Variants in PTPRN2 observed in about 807,000 individuals in gnomAD.
PTPRN2 encodes the protein protein tyrosine phosphatase receptor type N2.
A neutral mutation model predicts 118.8 loss-of-function variants in PTPRN2; 74 were observed. The observed-to-expected ratio is 0.62, with a 90% confidence interval of 0.52 to 0.76. The LOEUF (loss-of-function observed/expected upper bound fraction) is 0.76. Ranked by LOEUF, PTPRN2 falls within the 30% of genes least tolerant of loss-of-function variation. The probability of loss-of-function intolerance (pLI) is 0.00; values close to 1 mark genes in which losing one functional copy is unlikely to be tolerated. For synonymous variants in PTPRN2, 641 were observed against 608.0 expected (o/e 1.05, Z -0.80); for missense variants, 1,481 against 1,394.4 (o/e 1.06, Z -0.99).
intron 3 of PTPRN2, among the ~76,000 whole-genome samples, chr7:158,265,723 G>C (rs1380589202): frequency 6.6e-6 from 1 of 152,220 alleles, no homozygotes; most frequent in African/African-American, 2.4e-5. Flanking sequence ...GGCATTTGAT[G>C]AGTACAGCTG....
intron 22 of PTPRN2, among the ~76,000 whole-genome samples, chr7:157,542,835 C>T (rs1798078244): frequency 2.0e-5 from 3 of 152,226 alleles, no homozygotes; most frequent in Admixed American, 2.0e-4. Context: ...CTGTGGGCGT[C>T]GGCTGGCAGG....
At chr7:158,080,365 A>G (rs1458530269) in intron 11 of PTPRN2, among the ~76,000 whole-genome samples, 1 of 150,172 alleles carries the variant, frequency 6.7e-6, no homozygotes, top group Non-Finnish European at 1.5e-5. Context: ...TTAGCAATAT[A>G]AAGGACTGGC....
intron 2 of PTPRN2, among the ~76,000 whole-genome samples, chr7:158,427,110 C>CG (rs201170285): frequency 1 from 2 of 2 alleles, 1 homozygote. Context: ...GGGAAAGACG[C>CG]GGGTCCGAGA....
chr7:158,351,900 C>T (rs1471985370), intron 2 of PTPRN2, among the ~76,000 whole-genome samples: 6 of 71,022 alleles, frequency 8.4e-5, no homozygotes, highest in African/African-American at 3.2e-4. Context: ...GCCTCCTGTC[C>T]GCTCCCCTCC....
intron 14 of PTPRN2, among the ~76,000 whole-genome samples, chr7:157,651,836 G>A (rs904658728): frequency 2.6e-5 from 4 of 152,192 alleles, no homozygotes; most frequent in East Asian, 1.9e-4. Flanking sequence ...GAGCATCTCC[G>A]TGTTGCCTTT....
At chr7:158,401,885 T>C (rs559703948) in intron 2 of PTPRN2, among the ~76,000 whole-genome samples, 2 of 151,974 alleles carry the variant, frequency 1.3e-5, no homozygotes, top group East Asian at 1.9e-4. Context: ...CCTGAATCCA[T>C]AGAGATGTCC....
intron 6 of PTPRN2, among the ~76,000 whole-genome samples, chr7:158,158,712 G>A (rs1822080344): frequency 3.0e-5 from 1 of 32,788 alleles, no homozygotes; most frequent in African/African-American, 1.4e-4. Context: ...GTGATTGGCC[G>A]GGACTTCGCA....
At chr7:158,120,282 GCACAAA>G (rs1399811169) in intron 9 of PTPRN2, among the ~76,000 whole-genome samples, 1 of 152,160 alleles carries the variant, frequency 6.6e-6, no homozygotes, top group Non-Finnish European at 1.5e-5. Flanking sequence ...TTGCACAATA[GCACAAA>G]TGTTAACGCT....
intron 1 of PTPRN2, among the ~76,000 whole-genome samples, chr7:158,576,026 A>C (rs1361711642): frequency 6.6e-6 from 1 of 152,206 alleles, no homozygotes; most frequent in East Asian, 1.9e-4. Context: ...TGAAAAACTC[A>C]TTTAAAAAAT....
At chr7:158,106,182 GATCT>G (rs897406346) in intron 10 of PTPRN2, among the ~76,000 whole-genome samples, 10 of 151,210 alleles carry the variant, frequency 6.6e-5, no homozygotes, top group African/African-American at 2.4e-4. Context: ...TTCCTTCCCT[GATCT>G]ATCTTAGCTC....
At chr7:158,118,079 A>G (rs117619431) in intron 9 of PTPRN2, among the ~76,000 whole-genome samples, 4,836 of 152,316 alleles carry the variant, frequency 0.032, 120 homozygotes, top group Non-Finnish European at 0.046. Flanking sequence ...ATATGATTTA[A>G]GAGACTAGTA....
At chr7:158,046,549 G>T (rs940542848) in intron 11 of PTPRN2, among the ~76,000 whole-genome samples, 1 of 152,216 alleles carries the variant, frequency 6.6e-6, no homozygotes, top group Non-Finnish European at 1.5e-5. Flanking sequence ...TTCTCATGTG[G>T]CAGGTTCTCA....
intron 2 of PTPRN2, among the ~76,000 whole-genome samples, chr7:158,463,127 C>T (rs958164123): frequency 6.6e-6 from 1 of 150,620 alleles, no homozygotes; most frequent in Non-Finnish European, 1.5e-5. Context: ...GGATCTGGAT[C>T]TGTGTACTTT....
intron 2 of PTPRN2, among the ~76,000 whole-genome samples, chr7:158,477,175 A>G (rs914569573): frequency 1.3e-5 from 2 of 152,154 alleles, no homozygotes; most frequent in African/African-American, 4.8e-5. Flanking sequence ...CCCCTCTGAG[A>G]GGATGAAGGG....
intron 10 of PTPRN2, among the ~76,000 whole-genome samples, chr7:158,102,104 G>A (rs1365009309): frequency 1.3e-5 from 2 of 152,132 alleles, no homozygotes; most frequent in African/African-American, 4.8e-5. Flanking sequence ...CTGAGCCCAG[G>A]TGCCAGGCAG....
chr7:158,114,910 A>T (rs1816606060), intron 9 of PTPRN2, among the ~76,000 whole-genome samples: 1 of 152,192 alleles, frequency 6.6e-6, no homozygotes, highest in Non-Finnish European at 1.5e-5. Context: ...GAGAAGGGGC[A>T]GGGGAGGCAC....
At chr7:158,443,866 T>C (rs1258730501) in intron 2 of PTPRN2, among the ~76,000 whole-genome samples, 1 of 152,174 alleles carries the variant, frequency 6.6e-6, no homozygotes, top group Non-Finnish European at 1.5e-5. Context: ...GCAACGGGGC[T>C]GCCTGGGACG....
chr7:158,085,415 AT>A (rs2128936406), intron 10 of PTPRN2, among the ~76,000 whole-genome samples: 1 of 62,316 alleles, frequency 1.6e-5, no homozygotes, highest in African/African-American at 5.7e-5. Context: ...ATCCACACCC[AT>A]GACGCCCATC....
intron 2 of PTPRN2, among the ~76,000 whole-genome samples, chr7:158,454,481 A>G (rs111479575): frequency 0.074 from 10,558 of 142,868 alleles, 501 homozygotes; most frequent in Non-Finnish European, 0.084. Context: ...AGGACAGACA[A>G]GATACAACAC....
Sources: allele counts gnomAD v4.1 joint callset (sites outside exome capture counted in the v4.1 genomes callset), GRCh38; gene constraint gnomAD v4.1.1; transcripts MANE v1.5; gene names NCBI Gene and HGNC (gene_info 2026-07-23, HGNC 2026-07-21).